Variants in CNTNAP2 observed in about 807,000 individuals in gnomAD.
CNTNAP2 encodes the protein contactin associated protein 2.
A neutral mutation model predicts 155.2 loss-of-function variants in CNTNAP2; 98 were observed. That is an observed-to-expected ratio of 0.63 (90% CI 0.54 to 0.75). The LOEUF (loss-of-function observed/expected upper bound fraction) is 0.75. Ranked by LOEUF, CNTNAP2 falls within the 30% of genes least tolerant of loss-of-function variation. The probability of loss-of-function intolerance (pLI) is 0.00; values close to 1 mark genes in which losing one functional copy is unlikely to be tolerated. For synonymous variants in CNTNAP2, 651 were observed against 631.2 expected (o/e 1.03, Z -0.47); for missense variants, 1,727 against 1,688.1 (o/e 1.02, Z -0.40).
At chr7:146,532,885 C>T (rs1268116655) in intron 1 of CNTNAP2, among the ~76,000 whole-genome samples, 1 of 151,612 alleles carries the variant, frequency 6.6e-6, no homozygotes, top group Non-Finnish European at 1.5e-5. Context: ...GAGTTCGAGA[C>T]CAGCCTGACC....
At chr7:146,360,583 G>A (rs1795068521) in intron 1 of CNTNAP2, among the ~76,000 whole-genome samples, 1 of 152,182 alleles carries the variant, frequency 6.6e-6, no homozygotes, top group Non-Finnish European at 1.5e-5. Flanking sequence ...CATATTCAAA[G>A]TTTGCAAGCT....
intron 1 of CNTNAP2, among the ~76,000 whole-genome samples, chr7:146,767,235 CAA>C (rs1416285429): frequency 1.3e-5 from 2 of 152,002 alleles, no homozygotes; most frequent in Non-Finnish European, 2.9e-5. Context: ...ATTTTCTGTG[CAA>C]AGTTAGTTGC....
chr7:148,043,105 C>T (rs945226516), intron 15 of CNTNAP2, among the ~76,000 whole-genome samples: 6 of 152,200 alleles, frequency 3.9e-5, no homozygotes, highest in Non-Finnish European at 8.8e-5. Flanking sequence ...GACATTTTGA[C>T]GTGATACATA....
chr7:147,943,620 T>C (rs116131242), intron 14 of CNTNAP2, among the ~76,000 whole-genome samples: 1 of 151,596 alleles, frequency 6.6e-6, no homozygotes, highest in Non-Finnish European at 1.5e-5. Flanking sequence ...AATAGAAACA[T>C]TATCTGGGCG....
chr7:147,476,930 A>T (rs1243779546), intron 10 of CNTNAP2, among the ~76,000 whole-genome samples: 2 of 6,056 alleles, frequency 3.3e-4, no homozygotes, highest in African/African-American at 5.3e-3. Context: ...TCTGTCATTT[A>T]AAAAAAAAAA....
intron 12 of CNTNAP2, among the ~76,000 whole-genome samples, chr7:147,579,537 C>T (rs1211208825): frequency 6.6e-6 from 1 of 151,968 alleles, no homozygotes; most frequent in Non-Finnish European, 1.5e-5. Flanking sequence ...TATTAATATG[C>T]CATTTATAGC....
At chr7:146,817,403 C>T (rs1447417001) in intron 2 of CNTNAP2, among the ~76,000 whole-genome samples, 2 of 150,836 alleles carry the variant, frequency 1.3e-5, no homozygotes, top group African/African-American at 4.9e-5. Flanking sequence ...ACCCGGGAGG[C>T]GGAAGTTGCA....
In CNTNAP2 at chr7:147,385,558, CA is replaced by C. The variant is rs1796610344; in HGVS notation, c.1499-10050del. Among the ~76,000 whole-genome samples the C allele has an allele frequency of 6.6e-5, 10 of 152,348 alleles. No individual in the cohort carries two copies. In the South Asian group the frequency reaches 2.1e-3, roughly 32 times the overall value. On this transcript the variant is annotated intron_variant, in intron 9 of 23. Coordinates refer to ENST00000361727, the MANE Select transcript of CNTNAP2 (RefSeq NM_014141.6). ...CATGCAAGTCCAAAATCCAGCAAGGCAGTCAAATCTTAAAGCTCCAAAATGT... is the reference window on the plus strand; with the variant it reads ...CATGCAAGTCCAAAATCCAGCAAGGCGTCAAATCTTAAAGCTCCAAAATGT...
chr7:148,249,026 T>C (rs1796322242), intron 20 of CNTNAP2, among the ~76,000 whole-genome samples: 1 of 152,240 alleles, frequency 6.6e-6, no homozygotes, highest in South Asian at 2.1e-4. Context: ...TCGTGAAGTG[T>C]CTGTTCAAGC....
At chr7:147,066,486 A>G (rs1171101231) in intron 4 of CNTNAP2, among the ~76,000 whole-genome samples, 2 of 152,212 alleles carry the variant, frequency 1.3e-5, no homozygotes, top group African/African-American at 2.4e-5. Context: ...CCTTGTAGAT[A>G]TATCTGGTAA....
At chr7:146,508,578 T>C (rs1797419371) in intron 1 of CNTNAP2, among the ~76,000 whole-genome samples, 1 of 152,160 alleles carries the variant, frequency 6.6e-6, no homozygotes, top group African/African-American at 2.4e-5. Context: ...GGGAGACCAG[T>C]GGACTGCCAA....
At chr7:148,343,480 T>C (rs1375270012) in intron 21 of CNTNAP2, among the ~76,000 whole-genome samples, 1 of 152,224 alleles carries the variant, frequency 6.6e-6, no homozygotes, top group East Asian at 1.9e-4. Context: ...CACCTTCCTT[T>C]CTTCGATTTG....
chr7:146,943,537 T>C (rs1352190166), intron 3 of CNTNAP2, among the ~76,000 whole-genome samples: 1 of 152,108 alleles, frequency 6.6e-6, no homozygotes, highest in Non-Finnish European at 1.5e-5. Context: ...AGAAAATACA[T>C]TTACAGTACT....
chr7:146,423,446 G>C (rs1256032873), intron 1 of CNTNAP2, among the ~76,000 whole-genome samples: 1 of 152,162 alleles, frequency 6.6e-6, no homozygotes, highest in Admixed American at 6.6e-5. Context: ...GGAAGAAAAT[G>C]TCAGAAGTTT....
intron 4 of CNTNAP2, among the ~76,000 whole-genome samples, chr7:147,060,001 A>C (rs775388337): frequency 1.2e-4 from 19 of 152,172 alleles, no homozygotes; most frequent in African/African-American, 2.2e-4. Flanking sequence ...TTCCTTATTT[A>C]AAACCTCACG....
intron 3 of CNTNAP2, among the ~76,000 whole-genome samples, chr7:146,986,463 A>G (rs1160899139): frequency 6.6e-6 from 1 of 152,144 alleles, no homozygotes; most frequent in Non-Finnish European, 1.5e-5. Flanking sequence ...TGCTATAAAC[A>G]TTTTTGTGCA....
intron 10 of CNTNAP2, among the ~76,000 whole-genome samples, chr7:147,451,174 A>G (rs1021015717): frequency 2.0e-5 from 3 of 152,138 alleles, no homozygotes; most frequent in Non-Finnish European, 2.9e-5. Flanking sequence ...GTCTCCTTAC[A>G]TGATTGCAGA....
chr7:148,249,775 G>A (rs1315743148), intron 20 of CNTNAP2, among the ~76,000 whole-genome samples: 2 of 152,010 alleles, frequency 1.3e-5, no homozygotes, highest in East Asian at 3.9e-4. Context: ...GCTCACATCC[G>A]GTTTTTCAGA....
intron 3 of CNTNAP2, among the ~76,000 whole-genome samples, chr7:146,899,740 C>G (rs1795953720): frequency 1.3e-5 from 2 of 152,270 alleles, no homozygotes; most frequent in Non-Finnish European, 2.9e-5. Flanking sequence ...CAGTAATATG[C>G]ATTCACCAAC....
Sources: allele counts gnomAD v4.1 joint callset (sites outside exome capture counted in the v4.1 genomes callset), GRCh38; gene constraint gnomAD v4.1.1; transcripts MANE v1.5; gene names NCBI Gene and HGNC (gene_info 2026-07-23, HGNC 2026-07-21).